CNNM3: variants seen among roughly 807,000 people sequenced by gnomAD.
CNNM3 encodes the protein cyclin and CBS domain divalent metal cation transport mediator 3.
A neutral mutation model predicts 57.1 loss-of-function variants in CNNM3; 47 were observed. That is an observed-to-expected ratio of 0.82 (90% confidence interval 0.65 to 1.05). CNNM3 has a LOEUF of 1.05. CNNM3 is among the 50% of genes least tolerant of loss of function. The probability of loss-of-function intolerance (pLI) is 0.00; values close to 1 mark genes in which losing one functional copy is unlikely to be tolerated. For synonymous variants in CNNM3, 507 were observed against 478.2 expected (o/e 1.06, Z -0.79); for missense variants, 957 against 973.7 (o/e 0.98, Z 0.23).
In CNNM3 at chr2:96,833,015, A is replaced by G. The variant is rs996389234; in HGVS notation, c.*399A>G. 18 of 1,314,308 alleles carry G rather than the reference A, an allele frequency of 1.4e-5. No individual in the cohort carries two copies. The African/African-American group carries it at 2.1e-4, about 15-fold the overall frequency. 81.4% of individuals were successfully genotyped at this position (1,314,308 alleles called of 1,614,324 possible). A position where few individuals can be genotyped will look rare whatever the true frequency, so the allele number is the denominator to read the frequency against. On this transcript the variant is annotated 3_prime_UTR_variant, in exon 8 of 8. Transcript: ENST00000305510. ...CTGCCTTTGTGTGGCCGTGACCTCT[A>G]TTTGTTTGCTTTTAATTTGCCAACC...
rs2079658491 is a variant in CNNM3 at position 96,834,514 on chromosome 2, C to T, written c.*1898C>T. On this transcript the variant is annotated 3_prime_UTR_variant, in exon 8 of 8. Transcript: ENST00000305510. ...TAGGCACCACCACACCCAGCTAATA[C>T]TTTTAATTTTTTTTTGTAGAGATAG... 6.6e-6 allele frequency among the ~76,000 whole-genome samples: 1 copy of T among 151,556 alleles called. No individual in the cohort carries two copies. The highest frequency in any genetic ancestry group is 1.5e-5 in the Non-Finnish European group (1 of 67,942).
chr2:96,825,465 C>G (rs998055288), intron 2 of CNNM3, among the ~76,000 whole-genome samples: 1 of 152,188 alleles, frequency 6.6e-6, no homozygotes, highest in African/African-American at 2.4e-5. Context: ...TAGCAGCAGT[C>G]CTATTAGTTT....
chr2:96,822,002 A>AT (rs1333073832), intron 1 of CNNM3, among the ~76,000 whole-genome samples: 6 of 149,246 alleles, frequency 4.0e-5, no homozygotes, highest in Admixed American at 6.7e-5. Context: ...TATTATTATT[A>AT]TTATTTTTTT....
downstream of CNNM3, among the ~76,000 whole-genome samples, chr2:96,836,276 CTT>C (rs1301380189): frequency 7.0e-6 from 1 of 142,854 alleles, no homozygotes; most frequent in Non-Finnish European, 1.5e-5. Context: ...TAGTTTCACT[CTT>C]GTTGCCCAGG....
At chr2:96,827,265 C>CTT (rs373030542) in intron 3 of CNNM3, among the ~76,000 whole-genome samples, 12 of 134,754 alleles carry the variant, frequency 8.9e-5, no homozygotes, top group African/African-American at 1.6e-4. Context: ...CTGCCCAGTT[C>CTT]TTTTTTTTTT....
chr2:96,821,080 G>A (rs1317005719), intron 1 of CNNM3, among the ~76,000 whole-genome samples: 2 of 152,068 alleles, frequency 1.3e-5, no homozygotes, highest in Non-Finnish European at 2.9e-5. Flanking sequence ...GAGGTTTTTG[G>A]AACCTGGAGG....
At position 96,817,244 on chromosome 2, in the gene CNNM3, G is replaced by A. The variant is rs2079337186; in HGVS notation, c.967G>A (p.Asp323Asn). ...GGAGGACGTGCTCACGCCCCTCGAA[G>A]ACTGCTTCATGCTGGACGCCAGCAC... The part of the protein sequence containing the change: ...TVEDVLTPLE[D>N]CFMLDASTVL... Residue 323 changes from aspartate to asparagine, a missense_variant, in exon 1 of 8, where the codon GAC (aspartate) becomes AAC (asparagine). Physicochemically the swap from Asp to Asn is conservative, Grantham distance 23. Around this residue, in one of 2 missense-constraint regions of CNNM3, gnomAD observed 491 missense variants for 570.6 expected, o/e 0.86. Coordinates refer to ENST00000305510, the MANE Select transcript of CNNM3 (RefSeq NM_017623.5). 6.2e-7 allele frequency: 1 copy of A among 1,608,790 alleles called. No individual in the cohort carries two copies. Among genetic ancestry groups the A allele is most frequent in the Non-Finnish European group, 8.5e-7 (1 of 1,178,848 alleles).
chr2:96,818,974 G>A (rs1210371512), intron 1 of CNNM3, among the ~76,000 whole-genome samples: 1 of 152,236 alleles, frequency 6.6e-6, no homozygotes, highest in Admixed American at 6.5e-5. Context: ...ACTCCTGACT[G>A]AGCACTGCCG....
intron 1 of CNNM3, among the ~76,000 whole-genome samples, chr2:96,818,237 A>C (rs554765865): frequency 6.6e-6 from 1 of 151,892 alleles, no homozygotes; most frequent in South Asian, 2.1e-4. Context: ...GATGCACCCC[A>C]CCATTCCGGG....
Position 96,831,870 on chromosome 2 carries a change from C to T in CNNM3, c.2060-682C>T, listed in dbSNP as rs373236338. ...CAGCTCTCCCTCAGCTTCCCCTGCCCGGGGCACCGGCCCTCTCCATGGTGC... is the reference window on the plus strand; with the variant it reads ...CAGCTCTCCCTCAGCTTCCCCTGCCTGGGGCACCGGCCCTCTCCATGGTGC... On this transcript the variant is annotated intron_variant, in intron 7 of 7. Coordinates refer to ENST00000305510, the MANE Select transcript of CNNM3 (RefSeq NM_017623.5). 17 of 583,876 alleles carry T rather than the reference C, an allele frequency of 2.9e-5. No homozygotes were observed. The Admixed American group carries it at 3.2e-4, about 11-fold the overall frequency. 36.2% of individuals were successfully genotyped at this position (583,876 alleles called of 1,614,324 possible).
intron 1 of CNNM3, among the ~76,000 whole-genome samples, chr2:96,822,670 G>C (rs1467932824): frequency 2.0e-5 from 3 of 152,216 alleles, no homozygotes. Flanking sequence ...CCAGATGATT[G>C]CCATGATGCG....
chr2:96,829,611 T>C (rs1313308839), intron 7 of CNNM3, among the ~76,000 whole-genome samples: 2 of 87,272 alleles, frequency 2.3e-5, no homozygotes, highest in Non-Finnish European at 3.7e-5. Context: ...CCCTTCTTGC[T>C]TTTTTTTTTT....
chr2:96,824,042 T>A (rs1234701282), intron 1 of CNNM3, among the ~76,000 whole-genome samples: 1 of 152,238 alleles, frequency 6.6e-6, no homozygotes, highest in East Asian at 1.9e-4. Flanking sequence ...TAAACTTAAT[T>A]TTATGTGTTT....
In CNNM3 at chr2:96,833,610, A is replaced by G. The variant is rs1376280322; in HGVS notation, c.*994A>G. 1 of 151,566 alleles carries G rather than the reference A, an allele frequency of 6.6e-6. No individual in the cohort carries two copies. The highest frequency in any genetic ancestry group is 2.4e-5 in the African/African-American group (1 of 41,264). The allele number at this position is 151,566 out of a possible 1,614,324, so 9.4% of individuals were successfully genotyped here. ...AGTCTTTTCCTTTTTTTCTGTTCCT[A>G]GCTATGGGGTTTTAGAGAAGTGGGA... On this transcript the variant is annotated 3_prime_UTR_variant, in exon 8 of 8. Coordinates refer to ENST00000305510, the MANE Select transcript of CNNM3 (RefSeq NM_017623.5).
chr2:96,828,792 G>A, intron 6 of CNNM3, 92 bp downstream of exon 6: 12 of 1,550,674 alleles, frequency 7.7e-6, no homozygotes, highest in Non-Finnish European at 1.1e-5. Context: ...CCGGAACAAG[G>A]CCTTCCACTC....
intron 7 of CNNM3, among the ~76,000 whole-genome samples, chr2:96,829,638 C>T (rs1259870415): frequency 6.6e-6 from 1 of 150,426 alleles, no homozygotes; most frequent in South Asian, 2.1e-4. Context: ...CATTATTCAA[C>T]TTGAACTTCT....
At chr2:96,821,065 T>A (rs954785235) in intron 1 of CNNM3, among the ~76,000 whole-genome samples, 2 of 152,018 alleles carry the variant, frequency 1.3e-5, no homozygotes, top group Admixed American at 1.3e-4. Context: ...TGGAAGACAG[T>A]GGGGGAGGTT....
chr2:96,832,612 T>C lies in CNNM3; in HGVS notation c.2120T>C (p.Val707Ala). 6.2e-7 allele frequency: 1 copy of C among 1,613,730 alleles called. No individual in the cohort carries two copies. The highest frequency in any genetic ancestry group is 1.1e-5 in the South Asian group (1 of 91,078). Residue 707 changes from valine to alanine, a missense_variant, in exon 8 of 8, where the codon GTT (valine) becomes GCT (alanine). Coordinates refer to ENST00000305510, the MANE Select transcript of CNNM3 (RefSeq NM_017623.5). ...VEGSPGRNPG[V>A] is the part of the protein sequence containing the mutation. ...GGCAGCCCTGGGCGGAACCCAGGCGTTTAACGGCTCACTAGGCAGCCCCAG... is the reference window on the plus strand; with the variant it reads ...GGCAGCCCTGGGCGGAACCCAGGCGCTTAACGGCTCACTAGGCAGCCCCAG...
At position 96,827,750 on chromosome 2, in the gene CNNM3, G is replaced by A. The variant is rs201846760; in HGVS notation, c.1539G>A (p.Pro513=). Reference sequence around the variant, plus strand: ...GTGCAGAAGTGGATGTATTCAGCCCGCTGCGCATCTCTGAGAAGGTCCTGC... The same window carrying A: ...GTGCAGAAGTGGATGTATTCAGCCCACTGCGCATCTCTGAGAAGGTCCTGC... ...FLSREVDVFS[P]LRISEKVLLH... is the part of the protein sequence containing the mutation. Residue 513 remains proline, a synonymous_variant, in exon 4 of 8, where the codon CCG becomes CCA. Coordinates refer to ENST00000305510, the MANE Select transcript of CNNM3 (RefSeq NM_017623.5). The A allele has an allele frequency of 5.1e-5, 82 of 1,613,950 alleles. No homozygotes were observed. In the East Asian group the frequency reaches 6.0e-4, roughly 12 times the overall value.
Sources: allele counts gnomAD v4.1 joint callset (sites outside exome capture counted in the v4.1 genomes callset), GRCh38; gene constraint gnomAD v4.1.1; regional missense constraint gnomAD v4.1.1; transcripts MANE v1.5; gene names NCBI Gene and HGNC (gene_info 2026-07-23, HGNC 2026-07-21).